The following JMJD1C variants were observed in gnomAD, a reference collection of about 807,000 sequenced individuals.
JMJD1C encodes the protein jumonji domain-containing protein 1C.
In JMJD1C, 31 loss-of-function variants were observed where a neutral mutation model predicts 245.3. That is an observed-to-expected ratio of 0.13 (90% CI 0.09 to 0.17). The LOEUF is 0.17. JMJD1C is among the 10% of genes least tolerant of loss of function. JMJD1C has a pLI of 1.00. For missense variants in JMJD1C, 2,691 were observed against 3,000.2 expected, an observed-to-expected ratio of 0.90 and a Z score of 2.41; for synonymous variants, 1,057 against 1,017.4, an observed-to-expected ratio of 1.04 and a Z score of -0.74.
intron 1 of JMJD1C, among the ~76,000 whole-genome samples, chr10:63,486,031 AG>A (rs1953981741): frequency 1.3e-5 from 2 of 151,246 alleles, no homozygotes; most frequent in Non-Finnish European, 2.9e-5. Flanking sequence ...GATTGGGGTC[AG>A]GGAAGTAGTC....
intron 1 of JMJD1C, among the ~76,000 whole-genome samples, chr10:63,402,744 T>G (rs1031896559): frequency 2.0e-5 from 3 of 152,212 alleles, no homozygotes; most frequent in African/African-American, 7.2e-5. Context: ...TTTTAGCAGT[T>G]TAATGGGTAT....
At chr10:63,375,794 A>G (rs1214455051) in intron 2 of JMJD1C, among the ~76,000 whole-genome samples, 2 of 152,006 alleles carry the variant, frequency 1.3e-5, no homozygotes, top group African/African-American at 4.8e-5. Context: ...GCCTCAAGCA[A>G]TCCTCTCGCC....
rs747701384 is a variant in JMJD1C at position 63,168,594 on chromosome 10, A to T, written c.7402-28T>A. ...ATCCCCAAAAGAAAAACCGTGAAAT[A>T]CAAGTTTTAGGAGGTGGAGCAAAGA... On this transcript the variant is annotated intron_variant, in intron 24 of 25. Coordinates refer to ENST00000399262, the MANE Select transcript of JMJD1C (RefSeq NM_032776.3). The T allele has an allele frequency of 1.9e-6, 3 of 1,547,302 alleles. No individual in the cohort carries two copies. The African/African-American group carries it at 4.2e-5, about 22-fold the overall frequency.
chr10:63,298,429 T>G (rs186527833), intron 2 of JMJD1C, among the ~76,000 whole-genome samples: 1 of 152,296 alleles, frequency 6.6e-6, no homozygotes, highest in African/African-American at 2.4e-5. Flanking sequence ...GGCAACCTTT[T>G]GCAATCCTGA....
chr10:63,259,364 G>T (rs1854401627), intron 3 of JMJD1C, among the ~76,000 whole-genome samples: 1 of 151,964 alleles, frequency 6.6e-6, no homozygotes, highest in Admixed American at 6.6e-5. Context: ...TTCCATCCTG[G>T]TTGTGAAGCA....
At chr10:63,203,511 T>C in intron 10 of JMJD1C, 1 of 979,232 alleles carries the variant, frequency 1.0e-6, no homozygotes, top group Non-Finnish European at 1.2e-6. Context: ...ATAGAGAAAT[T>C]AACTGTGATC....
At chr10:63,198,813 T>C (rs1845716479) in intron 11 of JMJD1C, 86 bp from the exon 12 acceptor site, 2 of 659,596 alleles carry the variant, frequency 3.0e-6, no homozygotes, top group Admixed American at 3.2e-5. Flanking sequence ...ATAATTATGT[T>C]TACATTGCAT....
intron 2 of JMJD1C, among the ~76,000 whole-genome samples, chr10:63,310,678 T>A (rs7070296): frequency 0.43 from 64,668 of 151,890 alleles, 14,382 homozygotes; most frequent in South Asian, 0.53. Context: ...TGTGGAAAAA[T>A]GAGCTGCTGG....
chr10:63,214,075 T>C lies in JMJD1C; in HGVS notation c.2092A>G (p.Thr698Ala). Residue 698 changes from threonine (T) to alanine (A), a missense_variant, in exon 8 of 26, where the codon ACT becomes GCT. Physicochemically the swap from Thr to Ala is moderately conservative, Grantham distance 58 (BLOSUM62 0). Coordinates refer to ENST00000399262, the MANE Select transcript of JMJD1C (RefSeq NM_032776.3). ...TCAATGATAAGAGGACTCTTTGTAG[T>C]TTCTAATGTACTGCTTCGAGTAGGA... ...PIPTRSSTLE[T>A]TKSPLIIDKN... 6.2e-7 allele frequency: 1 copy of C among 1,614,134 alleles called. No individual in the cohort carries two copies. The highest frequency in any genetic ancestry group is 8.5e-7 in the Non-Finnish European group (1 of 1,179,968).
At chr10:63,294,929 T>G (rs1285843679) in intron 2 of JMJD1C, among the ~76,000 whole-genome samples, 1 of 152,214 alleles carries the variant, frequency 6.6e-6, no homozygotes, top group Non-Finnish European at 1.5e-5. Context: ...TTAAAAGGCA[T>G]TATTGAAAAT....
At chr10:63,495,158 A>G (rs1009683930) in intron 1 of JMJD1C, among the ~76,000 whole-genome samples, 5 of 152,116 alleles carry the variant, frequency 3.3e-5, no homozygotes, top group Admixed American at 3.3e-4. Context: ...CCTCGGGCAC[A>G]AAGAATGTGG....
At chr10:63,346,240 A>G (rs953762661) in intron 2 of JMJD1C, among the ~76,000 whole-genome samples, 2 of 152,190 alleles carry the variant, frequency 1.3e-5, no homozygotes, top group Admixed American at 1.3e-4. Context: ...GTGTGATTAG[A>G]TACTACAAGA....
At position 63,168,499 on chromosome 10, in the gene JMJD1C, G is replaced by A; in HGVS notation, c.7469C>T (p.Ser2490Leu). Residue 2490 changes from serine (S) to leucine (L), a missense_variant, in exon 25 of 26, where the codon TCA becomes TTA. Around this residue, in one of 9 missense-constraint regions of JMJD1C, gnomAD observed 232 missense variants for 416.1 expected, o/e 0.56. Coordinates refer to ENST00000399262, the MANE Select transcript of JMJD1C (RefSeq NM_032776.3). ...DFVSPEHLVE[S>L]FHLTQELRLL... ...TCTCAGTTCCTGTGTTAAATGAAAT[G>A]ACTCTACAAGATGTTCTGGAGACAC... The A allele has an allele frequency of 6.2e-7, 1 of 1,610,382 alleles. No individual in the cohort carries two copies. Among genetic ancestry groups the A allele is most frequent in the Non-Finnish European group, 8.5e-7 (1 of 1,178,102 alleles).
At chr10:63,245,667 G>C (rs995989217) in intron 3 of JMJD1C, among the ~76,000 whole-genome samples, 4 of 152,056 alleles carry the variant, frequency 2.6e-5, no homozygotes, top group Non-Finnish European at 4.4e-5. Flanking sequence ...ATTTTTAGTA[G>C]AGAGGAGGTT....
intron 3 of JMJD1C, among the ~76,000 whole-genome samples, chr10:63,232,165 T>C (rs1486775023): frequency 6.6e-6 from 1 of 152,138 alleles, no homozygotes; most frequent in Non-Finnish European, 1.5e-5. Context: ...CTTATTTTCA[T>C]ACTGCTTCTT....
chr10:63,469,967 G>T (rs1273487799), upstream of JMJD1C, among the ~76,000 whole-genome samples: 1 of 152,058 alleles, frequency 6.6e-6, no homozygotes, highest in African/African-American at 2.4e-5. Flanking sequence ...TATTTAAAAT[G>T]AATTCCTCAA....
At chr10:63,480,199 G>A (rs1184965400) in intron 1 of JMJD1C, among the ~76,000 whole-genome samples, 1 of 152,020 alleles carries the variant, frequency 6.6e-6, no homozygotes, top group Non-Finnish European at 1.5e-5. Flanking sequence ...GTTGGAAAGG[G>A]TCCCATTTCA....
At chr10:63,387,703 T>A (rs1037338763) in intron 1 of JMJD1C, among the ~76,000 whole-genome samples, 1 of 135,242 alleles carries the variant, frequency 7.4e-6, no homozygotes, top group Non-Finnish European at 1.5e-5. Context: ...TGGCGTGATC[T>A]CAGCTCACTG....
At chr10:63,261,333 A>C (rs1480004635) in intron 3 of JMJD1C, among the ~76,000 whole-genome samples, 1 of 152,174 alleles carries the variant, frequency 6.6e-6, no homozygotes, top group Non-Finnish European at 1.5e-5. Context: ...TATTCTCAGT[A>C]CTTTTGGAGG....
Sources: gnomAD v4.1 joint callset for allele counts (sites outside exome capture counted in the v4.1 genomes callset) on GRCh38, gnomAD v4.1.1 for gene constraint, gnomAD v4.1.1 regional missense constraint, MANE v1.5 for transcripts, NCBI Gene and HGNC (gene_info 2026-07-23, HGNC 2026-07-21) for gene names.